MCM3AP: variants seen among roughly 807,000 people sequenced by gnomAD.
The protein encoded by MCM3AP is germinal-center associated nuclear protein.
In MCM3AP, 126 loss-of-function variants were observed where a neutral mutation model predicts 184.1. The observed-to-expected ratio is 0.68, with a 90% confidence interval of 0.59 to 0.79. The LOEUF (loss-of-function observed/expected upper bound fraction) is 0.79. Ranked by LOEUF, MCM3AP falls within the 30% of genes least tolerant of loss-of-function variation. The pLI is 0.00. For missense variants in MCM3AP, 2,496 were observed against 2,479.2 expected (o/e 1.01, Z -0.14); for synonymous variants, 1,002 against 979.3 (o/e 1.02, Z -0.43).
At chr21:46,257,790 T>G (rs2080979717) in intron 16 of MCM3AP, among the ~76,000 whole-genome samples, 2 of 152,004 alleles carry the variant, frequency 1.3e-5, no homozygotes, top group South Asian at 4.1e-4. Context: ...CCGAGCATGG[T>G]GGCGCACGCC....
chr21:46,285,803 C>T (rs911639174), upstream of MCM3AP: 2 of 153,126 alleles, frequency 1.3e-5, no homozygotes, highest in African/African-American at 2.4e-5. Flanking sequence ...CTCCTCCCAC[C>T]TGGCTTCCCT....
In MCM3AP at chr21:46,237,610, TA is replaced by T. The variant is rs1346890648; in HGVS notation, c.5634-632del. Among the ~76,000 whole-genome samples, 8 of 113,346 alleles carry T rather than the reference TA, an allele frequency of 7.1e-5. 2 individuals carry two copies. Among genetic ancestry groups the T allele is most frequent in the African/African-American group, 2.9e-4 (8 of 27,526 alleles). The allele number at this position is 113,346 out of a possible 152,430, so 74.4% of individuals were successfully genotyped here. On this transcript the variant is annotated intron_variant, in intron 26 of 27. Transcript: ENST00000291688. Reference sequence around the variant, plus strand: ...ACGGGATTTTGCTGTATTGTCAGGCTAGTCTACAACTCCTGAACTCAAGTGA... The same window carrying T: ...ACGGGATTTTGCTGTATTGTCAGGCTGTCTACAACTCCTGAACTCAAGTGA...
chr21:46,262,468 A>G (rs1162179671), intron 13 of MCM3AP, among the ~76,000 whole-genome samples: 6 of 151,906 alleles, frequency 3.9e-5, no homozygotes, highest in Non-Finnish European at 8.8e-5. Flanking sequence ...GGCAACATAG[A>G]GAGACCCCAT....
intron 25 of MCM3AP, 177 bp from the exon 26 acceptor site, chr21:46,241,194 A>G (rs2080658518): frequency 3.3e-6 from 2 of 604,950 alleles, no homozygotes; most frequent in South Asian, 3.9e-5. Context: ...AGCTTCCATC[A>G]AGTCAGGGAG....
intron 4 of MCM3AP, among the ~76,000 whole-genome samples, chr21:46,279,534 G>C (rs1318050615): frequency 6.6e-6 from 1 of 152,250 alleles, no homozygotes; most frequent in Non-Finnish European, 1.5e-5. Context: ...GCTGTCCTAA[G>C]TGAGCAGCCT....
At chr21:46,263,780 CAAAAAAAAAAAAAAA>C (rs57674256) in intron 13 of MCM3AP, among the ~76,000 whole-genome samples, 33 of 28,334 alleles carry the variant, frequency 1.2e-3, no homozygotes, top group South Asian at 3.3e-3. Context: ...GACTCCATCT[CAAAAAAAAAAAAAAA>C]AAAAAAAAAA....
At chr21:46,262,705 C>G (rs1305224955) in intron 13 of MCM3AP, among the ~76,000 whole-genome samples, 1 of 151,784 alleles carries the variant, frequency 6.6e-6, no homozygotes, top group Non-Finnish European at 1.5e-5. Context: ...CGGTGGCTCA[C>G]GCCTGTAATC....
At chr21:46,253,911 T>G (rs2080909812) in intron 19 of MCM3AP, 1 of 173,420 alleles carries the variant, frequency 5.8e-6, no homozygotes, top group African/African-American at 2.4e-5. Flanking sequence ...TCTGGTTGTT[T>G]AGAAGTGTGT....
intron 18 of MCM3AP, 80 bp from the exon 19 acceptor site, chr21:46,254,606 G>A: frequency 6.4e-7 from 1 of 1,556,936 alleles, no homozygotes; most frequent in Non-Finnish European, 8.8e-7. Flanking sequence ...TGAGCAGGAA[G>A]GGGCAGGTTG....
At chr21:46,261,464 G>A in intron 13 of MCM3AP, 53 bp from the exon 14 acceptor site, 1 of 1,577,408 alleles carries the variant, frequency 6.3e-7, no homozygotes, top group Non-Finnish European at 8.7e-7. Flanking sequence ...GCCGGGTGCG[G>A]TGGCTCACGC....
Position 46,284,419 on chromosome 21 carries a change from C to T in MCM3AP, c.868G>A (p.Gly290Arg). ...QVEPLPSLMKGLKRKEDQDRS... is the reference protein window; with the variant it reads ...QVEPLPSLMKRLKRKEDQDRS... ...TCCTGGTCCTCCTTCCTTTTCAGTC[C>T]TTTCATTAGGCTGGGAAGTGGTTCC... Residue 290 changes from glycine to arginine, a missense_variant, in exon 1 of 28, where the codon GGA (glycine) becomes AGA (arginine). Around this residue, in one of 5 missense-constraint regions of MCM3AP, gnomAD observed 800 missense variants for 717.1 expected, o/e 1.12. Transcript: ENST00000291688. 6.2e-7 allele frequency: 1 copy of T among 1,614,128 alleles called. No individual in the cohort carries two copies. Among genetic ancestry groups the T allele is most frequent in the East Asian group, 2.2e-5 (1 of 44,882 alleles).
intron 12 of MCM3AP, 74 bp downstream of exon 12, chr21:46,265,247 A>G (rs1207358486): frequency 7.1e-7 from 1 of 1,403,012 alleles, no homozygotes; most frequent in African/African-American, 1.4e-5. Context: ...GCCCCACCTC[A>G]TGGGGTGATG....
At position 46,235,293 on chromosome 21, in the gene MCM3AP, G is replaced by A. The variant is rs763969969; in HGVS notation, c.5918C>T (p.Ala1973Val). The A allele has an allele frequency of 2.3e-5, 37 of 1,614,148 alleles. No individual in the cohort carries two copies. The highest frequency in any genetic ancestry group is 4.5e-5 in the East Asian group (2 of 44,872). ...EEVASELHLSALLDMVDI is the reference protein window; with the variant it reads ...EEVASELHLSVLLDMVDI ...TCAAATGTCCACCATGTCTAGCAGC[G>A]CAGAGAGATGGAGCTCAGAGGCAAC... Residue 1973 changes from alanine to valine, a missense_variant, in exon 28 of 28, where the codon GCG (alanine) becomes GTG (valine). Coordinates refer to ENST00000291688, the MANE Select transcript of MCM3AP (RefSeq NM_003906.5).
chr21:46,246,946 A>C (rs1439414772), intron 20 of MCM3AP, 60 bp from the exon 21 acceptor site: 3 of 1,571,110 alleles, frequency 1.9e-6, no homozygotes, highest in Non-Finnish European at 2.6e-6. Context: ...GCAGTGACTG[A>C]TCTGCCCCAG....
At chr21:46,237,079 G>C (rs905745901) in intron 26 of MCM3AP, 100 bp from the exon 27 acceptor site, 1 of 514,710 alleles carries the variant, frequency 1.9e-6, no homozygotes, top group Non-Finnish European at 3.0e-6. Flanking sequence ...TTAAGCCTTT[G>C]CTTTTTTAAA....
intron 1 of MCM3AP, 54 bp downstream of exon 1, chr21:46,284,014 T>G: frequency 6.4e-7 from 1 of 1,567,556 alleles, no homozygotes. Context: ...CAGAGAAACG[T>G]ATTGAAAACC....
chr21:46,280,448 A>C, intron 3 of MCM3AP, 49 bp downstream of exon 3: 2 of 1,367,182 alleles, frequency 1.5e-6, no homozygotes, highest in Non-Finnish European at 2.0e-6. Flanking sequence ...TCTATAAAAT[A>C]AATAAAAATA....
At position 46,284,386 on chromosome 21, in the gene MCM3AP, G is replaced by C. The variant is rs754037430; in HGVS notation, c.901C>G (p.Pro301Ala). The C allele has an allele frequency of 1.9e-5, 31 of 1,614,014 alleles. No homozygotes were observed. In the East Asian group the frequency reaches 3.6e-4, roughly 19 times the overall value. Residue 301 changes from proline to alanine, a missense_variant, in exon 1 of 28, where the codon CCA (proline) becomes GCA (alanine). By Grantham distance (27) the Pro-to-Ala change is conservative. Coordinates refer to ENST00000291688, the MANE Select transcript of MCM3AP (RefSeq NM_003906.5). ...GCTGGCTCGTGGCCATGTCTCCTTG[G>C]GGAGCGATCCTGGTCCTCCTTCCTT... ...LKRKEDQDRS[P>A]RRHGHEPAED... is the part of the protein sequence containing the mutation.
chr21:46,236,230 C>T (rs1403181915), intron 27 of MCM3AP: 1 of 152,220 alleles, frequency 6.6e-6, no homozygotes, highest in Non-Finnish European at 1.5e-5. Context: ...GAAGGACTTC[C>T]TAAAGCCAGT....
Sources: gnomAD v4.1 joint callset for allele counts (sites outside exome capture counted in the v4.1 genomes callset) on GRCh38, gnomAD v4.1.1 for gene constraint, gnomAD v4.1.1 regional missense constraint, MANE v1.5 for transcripts, NCBI Gene and HGNC (gene_info 2026-07-23, HGNC 2026-07-21) for gene names.